DDR2: variants seen among roughly 807,000 people sequenced by gnomAD.
DDR2 encodes discoidin domain-containing receptor 2.
In DDR2, 27 loss-of-function variants were observed where a neutral mutation model predicts 94.9. That is an observed-to-expected ratio of 0.28 (90% CI 0.21 to 0.39). DDR2 has a LOEUF of 0.39. DDR2 is among the 10% of genes least tolerant of loss of function. The probability of loss-of-function intolerance (pLI) is 1.00; values close to 1 mark genes in which losing one functional copy is unlikely to be tolerated. For synonymous variants in DDR2, 382 were observed against 377.2 expected, an observed-to-expected ratio of 1.01 and a Z score of -0.15; for missense variants, 783 against 1,076.0, an observed-to-expected ratio of 0.73 and a Z score of 3.81.
intron 3 of DDR2, among the ~76,000 whole-genome samples, chr1:162,752,168 A>C (rs1663244849): frequency 6.6e-6 from 1 of 152,180 alleles, no homozygotes; most frequent in Admixed American, 6.5e-5. Flanking sequence ...AAAGAAAAAA[A>C]AAAACTTTTG....
chr1:162,702,036 G>C (rs543798114), intron 2 of DDR2, among the ~76,000 whole-genome samples: 1 of 152,132 alleles, frequency 6.6e-6, no homozygotes, highest in African/African-American at 2.4e-5. Context: ...GCATCCTGGA[G>C]ATACAGCTTT....
chr1:162,651,957 T>C (rs1657714138), intron 1 of DDR2, among the ~76,000 whole-genome samples: 1 of 152,210 alleles, frequency 6.6e-6, no homozygotes. Context: ...ACCTGTGAAA[T>C]CTCACTATCT....
chr1:162,728,000 C>CTA (rs1267414355), intron 3 of DDR2, among the ~76,000 whole-genome samples: 8 of 131,894 alleles, frequency 6.1e-5, no homozygotes, highest in African/African-American at 2.0e-4. Context: ...CTATATATAT[C>CTA]TATATATATA....
At chr1:162,640,306 C>A (rs1415415819) in intron 1 of DDR2, among the ~76,000 whole-genome samples, 2 of 152,082 alleles carry the variant, frequency 1.3e-5, no homozygotes, top group African/African-American at 4.8e-5. Flanking sequence ...TCCCAACGTG[C>A]TGGGATTGCA....
chr1:162,734,223 C>A (rs1302309159), intron 3 of DDR2, among the ~76,000 whole-genome samples: 8 of 152,204 alleles, frequency 5.3e-5, no homozygotes. Flanking sequence ...CTCAGACTTA[C>A]AAGGAAGTTT....
chr1:162,690,666 AG>A (rs1659923216), intron 2 of DDR2, among the ~76,000 whole-genome samples: 1 of 150,994 alleles, frequency 6.6e-6, no homozygotes, highest in South Asian at 2.1e-4. Context: ...AAACATAAAA[AG>A]TTATGCCTTC....
At position 162,759,863 on chromosome 1, in the gene DDR2, G is replaced by T; in HGVS notation, c.739G>T (p.Glu247Ter). 6.2e-7 allele frequency: 1 copy of T among 1,614,156 alleles called. No individual in the cohort carries two copies. The highest frequency in any genetic ancestry group is 8.5e-7 in the Non-Finnish European group (1 of 1,180,018). The change falls in exon 8 of 18, where the codon GAA becomes TAA. Residue 247 changes from glutamate (E) to a stop codon, truncating the protein, a stop_gained. Coordinates refer to ENST00000367921, the MANE Select transcript of DDR2 (RefSeq NM_006182.4). LOFTEE classifies it high-confidence loss of function. ...CCTGGACGATTTCACCCAGACCCAT[G>T]AATACCACGTGTGGCCCGGCTATGA... is the stretch of plus-strand genomic sequence containing the variant. ...SGLDDFTQTH[E>*]YHVWPGYDYV...
At chr1:162,678,681 C>T (rs1659249814) in intron 2 of DDR2, among the ~76,000 whole-genome samples, 4 of 152,230 alleles carry the variant, frequency 2.6e-5, no homozygotes, top group Admixed American at 2.6e-4. Context: ...TAGCCTTCCC[C>T]AGGTAACCTT....
At position 162,728,178 on chromosome 1, in the gene DDR2, C is replaced by CTCTTTATATATATAGATAGATATA. The variant is rs1558050022; in HGVS notation, c.82+9047_82+9048insGATAGATATATCTTTATATATATA. Among the ~76,000 whole-genome samples, 4 of 133,604 alleles carry CTCTTTATATATATAGATAGATATA rather than the reference C, an allele frequency of 3.0e-5. No homozygotes were observed. The East Asian group carries it at 8.0e-4, about 27-fold the overall frequency. 87.6% of individuals were successfully genotyped at this position (133,604 alleles called of 152,430 possible). On this transcript the variant is annotated intron_variant, in intron 3 of 17. Transcript: ENST00000367921. ...TCTATATAAATATATAGATAGATAT[C>CTCTTTATATATATAGATAGATATA]TCTTTATATATATATAGATAGATAT...
At position 162,640,880 on chromosome 1, in the gene DDR2, C is replaced by T. The variant is rs116039788; in HGVS notation, c.-192+8249C>T. 1.5e-3 allele frequency among the ~76,000 whole-genome samples: 231 copies of T among 150,906 alleles called. 3 individuals are homozygous for T. The highest frequency in any genetic ancestry group is 5.2e-3 in the African/African-American group (216 of 41,420). On this transcript the variant is annotated intron_variant, in intron 1 of 17. Transcript: ENST00000367921. ...GTTTGTGATCCTTCCACCTCAGCCCCTCGACTAGCTGGGACTATATGTGCG... is the reference window on the plus strand; with the variant it reads ...GTTTGTGATCCTTCCACCTCAGCCCTTCGACTAGCTGGGACTATATGTGCG...
chr1:162,675,718 A>G (rs1659092928), intron 2 of DDR2, among the ~76,000 whole-genome samples: 1 of 152,136 alleles, frequency 6.6e-6, no homozygotes, highest in Admixed American at 6.6e-5. Context: ...GGAAGTAGAG[A>G]AGTGGTCAAT....
At chr1:162,641,448 G>T (rs1309963523) in intron 1 of DDR2, among the ~76,000 whole-genome samples, 1 of 152,118 alleles carries the variant, frequency 6.6e-6, no homozygotes, top group Non-Finnish European at 1.5e-5. Context: ...ATCCATCCCA[G>T]ATCTTCTTGG....
rs770393753 is a variant in DDR2 at position 162,752,002 on chromosome 1, G to A, written c.83-1093G>A. The stretch of plus-strand genomic sequence containing the variant: ...CACACACTGGGGCCTGTCGTGGGGT[G>A]AGGGGACGGGGGAGGAATGGCATTA... On this transcript the variant is annotated intron_variant, in intron 3 of 17. Coordinates refer to ENST00000367921, the MANE Select transcript of DDR2 (RefSeq NM_006182.4). 6.5e-4 allele frequency among the ~76,000 whole-genome samples: 99 copies of A among 152,236 alleles called. 1 individual carries two copies. Among genetic ancestry groups the A allele is most frequent in the African/African-American group, 2.3e-3 (94 of 41,532 alleles).
intron 1 of DDR2, among the ~76,000 whole-genome samples, chr1:162,636,921 A>T (rs942358805): frequency 6.6e-6 from 1 of 152,068 alleles, no homozygotes; most frequent in Non-Finnish European, 1.5e-5. Flanking sequence ...AACAATACAA[A>T]TCTCAGTGAA....
intron 1 of DDR2, 102 bp from the exon 2 acceptor site, chr1:162,655,109 G>A (rs1339893822): frequency 6.6e-6 from 1 of 152,012 alleles, no homozygotes; most frequent in Non-Finnish European, 1.5e-5. Flanking sequence ...TGGTGTGCTT[G>A]GAAGGTTTCT....
intron 2 of DDR2, among the ~76,000 whole-genome samples, chr1:162,696,694 T>G (rs1220732209): frequency 6.6e-6 from 1 of 151,990 alleles, no homozygotes; most frequent in Non-Finnish European, 1.5e-5. Context: ...GGCTGGAGCC[T>G]AAACCAGAGG....
chr1:162,765,955 C>T (rs755400163), intron 9 of DDR2, 46 bp from the exon 10 acceptor site: 69 of 1,581,306 alleles, frequency 4.4e-5, no homozygotes, highest in Non-Finnish European at 5.0e-5. Flanking sequence ...AAAACACTAG[C>T]TGTCTGTCTT....
At chr1:162,661,356 A>G (rs188928761) in intron 2 of DDR2, among the ~76,000 whole-genome samples, 5 of 152,358 alleles carry the variant, frequency 3.3e-5, no homozygotes, top group African/African-American at 1.2e-4. Flanking sequence ...AAAGACTTGT[A>G]CAAGTTGGTT....
chr1:162,736,625 A>G (rs534849066), intron 3 of DDR2, among the ~76,000 whole-genome samples: 1 of 152,356 alleles, frequency 6.6e-6, no homozygotes, highest in South Asian at 2.1e-4. Flanking sequence ...ACTGAATTTA[A>G]GCAACTCACG....
Sources: gnomAD v4.1 joint callset for allele counts (sites outside exome capture counted in the v4.1 genomes callset) on GRCh38, gnomAD v4.1.1 for gene constraint, MANE v1.5 for transcripts, NCBI Gene and HGNC (gene_info 2026-07-23, HGNC 2026-07-21) for gene names.